The following EXOC4 variants were observed in gnomAD, a reference collection of about 807,000 sequenced individuals.
EXOC4 encodes the protein exocyst complex component 4.
Under a neutral mutation model 107.2 loss-of-function variants are expected in EXOC4, and 71 were observed. The observed-to-expected ratio is 0.66, with a 90% CI of 0.55 to 0.81. The LOEUF is 0.81. Ranked by LOEUF, EXOC4 falls within the 30% of genes least tolerant of loss-of-function variation. The pLI is 0.00. For missense variants in EXOC4, 1,108 were observed against 1,189.6 expected, an observed-to-expected ratio of 0.93 and a Z score of 1.01; for synonymous variants, 456 against 441.2, an observed-to-expected ratio of 1.03 and a Z score of -0.42.
chr7:134,006,878 G>T (rs1794653599), intron 16 of EXOC4, among the ~76,000 whole-genome samples: 1 of 152,130 alleles, frequency 6.6e-6, no homozygotes, highest in African/African-American at 2.4e-5. Context: ...AATTACATGG[G>T]ATATCCTGAG....
the EXOC4 span, among the ~76,000 whole-genome samples, chr7:134,078,592 T>A: frequency 2.6e-5 from 4 of 152,156 alleles, no homozygotes; most frequent in Non-Finnish European, 5.9e-5. Flanking sequence ...AGAATATATT[T>A]TTCTACCCTC....
intron 5 of EXOC4, among the ~76,000 whole-genome samples, chr7:133,330,022 AGCT>A (rs1795343949): frequency 6.6e-6 from 1 of 152,110 alleles, no homozygotes; most frequent in Non-Finnish European, 1.5e-5. Context: ...CTGTGCCCAC[AGCT>A]GCCCCTTCCC....
At chr7:134,062,132 A>G (rs1332304161) in intron 17 of EXOC4, among the ~76,000 whole-genome samples, 1 of 152,206 alleles carries the variant, frequency 6.6e-6, no homozygotes, top group Non-Finnish European at 1.5e-5. Context: ...AGCCCCCTGT[A>G]CACAAGGATG....
chr7:133,646,421 C>T (rs964261844), intron 10 of EXOC4, among the ~76,000 whole-genome samples: 1 of 152,150 alleles, frequency 6.6e-6, no homozygotes, highest in Admixed American at 6.6e-5. Flanking sequence ...CTTCTAAATA[C>T]TACTTATATC....
At chr7:133,899,714 C>T (rs903049239) in intron 12 of EXOC4, among the ~76,000 whole-genome samples, 7 of 151,694 alleles carry the variant, frequency 4.6e-5, no homozygotes, top group Non-Finnish European at 7.4e-5. Flanking sequence ...AAAGGAGTGC[C>T]CCAGAGTATA....
intron 9 of EXOC4, among the ~76,000 whole-genome samples, chr7:133,491,316 A>C (rs1799367550): frequency 6.6e-6 from 1 of 152,222 alleles, no homozygotes; most frequent in Admixed American, 6.5e-5. Context: ...CACTTAGCTC[A>C]AATAAGTCCC....
intron 7 of EXOC4, among the ~76,000 whole-genome samples, chr7:133,395,339 C>G (rs1796947322): frequency 6.6e-6 from 1 of 152,074 alleles, no homozygotes; most frequent in Non-Finnish European, 1.5e-5. Flanking sequence ...GATCACTAAT[C>G]ACAGGATTAA....
At chr7:133,460,111 G>T (rs1284323579) in intron 7 of EXOC4, among the ~76,000 whole-genome samples, 2 of 152,144 alleles carry the variant, frequency 1.3e-5, no homozygotes, top group African/African-American at 4.8e-5. Context: ...ATGTATGGAG[G>T]GTGGCTGGTG....
chr7:133,963,326 T>TTTTAG (rs1800988897), intron 14 of EXOC4, among the ~76,000 whole-genome samples: 1 of 152,230 alleles, frequency 6.6e-6, no homozygotes, highest in Admixed American at 6.5e-5. Context: ...GTAGAGTACA[T>TTTTAG]TTTAGGGTAT....
chr7:133,365,389 A>C (rs1291584513), intron 6 of EXOC4, among the ~76,000 whole-genome samples: 3 of 152,208 alleles, frequency 2.0e-5, no homozygotes, highest in African/African-American at 7.2e-5. Flanking sequence ...TAATTCAAAG[A>C]AATAGGGCCT....
At chr7:133,848,022 G>T (rs573584234) in intron 11 of EXOC4, among the ~76,000 whole-genome samples, 6 of 151,686 alleles carry the variant, frequency 4.0e-5, no homozygotes, top group South Asian at 4.2e-4. Flanking sequence ...GAGCCACCGC[G>T]CCTGGCCCAG....
intron 17 of EXOC4, among the ~76,000 whole-genome samples, chr7:134,027,639 A>T (rs1212861192): frequency 7.5e-6 from 1 of 133,808 alleles, no homozygotes; most frequent in South Asian, 2.6e-4. Flanking sequence ...GCCTGGCGAC[A>T]GAGAGAGACT....
intron 5 of EXOC4, among the ~76,000 whole-genome samples, chr7:133,350,414 T>C (rs1795882520): frequency 6.6e-6 from 1 of 152,140 alleles, no homozygotes; most frequent in Non-Finnish European, 1.5e-5. Context: ...TGTACAGCAT[T>C]TGTTGAAAGG....
At chr7:133,322,028 T>C (rs1795123608) in intron 5 of EXOC4, among the ~76,000 whole-genome samples, 1 of 152,266 alleles carries the variant, frequency 6.6e-6, no homozygotes. Flanking sequence ...TTTTGAGAAG[T>C]GTCTGTTCAT....
At chr7:134,038,949 G>A (rs990936859) in intron 17 of EXOC4, among the ~76,000 whole-genome samples, 1 of 152,212 alleles carries the variant, frequency 6.6e-6, no homozygotes, top group Admixed American at 6.5e-5. Flanking sequence ...AGATACCCAT[G>A]TGTGTCTACA....
chr7:133,300,453 T>A (rs914962064), intron 3 of EXOC4, among the ~76,000 whole-genome samples: 2 of 152,192 alleles, frequency 1.3e-5, no homozygotes, highest in East Asian at 1.9e-4. Context: ...GCCCTGACCC[T>A]TGAATGAATC....
At chr7:134,081,436 A>G in the EXOC4 span, among the ~76,000 whole-genome samples, 1 of 152,136 alleles carries the variant, frequency 6.6e-6, no homozygotes, top group Admixed American at 6.5e-5. Flanking sequence ...CATAGTTTTT[A>G]TTGCCATTTG....
intron 10 of EXOC4, among the ~76,000 whole-genome samples, chr7:133,755,313 T>TATTATATATATATTA (rs1795890674): frequency 9.7e-6 from 1 of 103,182 alleles, no homozygotes; most frequent in African/African-American, 4.0e-5. Context: ...TATATATATA[T>TATTATATATATATTA]TATATATATA....
intron 11 of EXOC4, among the ~76,000 whole-genome samples, chr7:133,820,540 T>A (rs1797495620): frequency 6.6e-6 from 1 of 152,246 alleles, no homozygotes; most frequent in Non-Finnish European, 1.5e-5. Flanking sequence ...AAATTTTAGC[T>A]GAGAATCCAA....
Sources: allele counts gnomAD v4.1 joint callset (sites outside exome capture counted in the v4.1 genomes callset), GRCh38; gene constraint gnomAD v4.1.1; transcripts MANE v1.5; gene names NCBI Gene and HGNC (gene_info 2026-07-23, HGNC 2026-07-21).